The following PIP5K1B variants were observed in gnomAD, a reference collection of about 807,000 sequenced individuals.
The protein encoded by PIP5K1B is phosphatidylinositol 4-phosphate 5-kinase type-1 beta.
Under a neutral mutation model 67.0 loss-of-function variants are expected in PIP5K1B, and 42 were observed. The observed-to-expected ratio is 0.63, with a 90% CI of 0.49 to 0.81. PIP5K1B has a LOEUF of 0.81. Among genes scored for constraint, PIP5K1B ranks in the 30% least tolerant of loss-of-function variants. The probability of loss-of-function intolerance (pLI) is 0.00; values close to 1 mark genes in which losing one functional copy is unlikely to be tolerated. For missense variants in PIP5K1B, 459 were observed against 646.3 expected, an observed-to-expected ratio of 0.71 and a Z score of 3.14; for synonymous variants, 214 against 231.4, an observed-to-expected ratio of 0.92 and a Z score of 0.68.
At chr9:68,782,134 A>G (rs2132462465) in intron 2 of PIP5K1B, 1 of 167,106 alleles carries the variant, frequency 6.0e-6, no homozygotes, top group Admixed American at 6.5e-5. Context: ...TCTCCCACCA[A>G]ACTAGGGCAC....
intron 14 of PIP5K1B, among the ~76,000 whole-genome samples, chr9:68,953,420 C>A (rs1249677715): frequency 6.6e-6 from 1 of 151,932 alleles, no homozygotes; most frequent in Non-Finnish European, 1.5e-5. Flanking sequence ...TCCAGGCTGC[C>A]TTTTTCTCTT....
intron 15 of PIP5K1B, among the ~76,000 whole-genome samples, chr9:68,999,276 C>A (rs989640369): frequency 1.3e-5 from 2 of 152,144 alleles, no homozygotes; most frequent in African/African-American, 4.8e-5. Context: ...AATAAGGTTA[C>A]GGTCTGAGGC....
intron 14 of PIP5K1B, among the ~76,000 whole-genome samples, chr9:68,980,329 CTT>C (rs536500940): frequency 1.1e-3 from 168 of 152,322 alleles, no homozygotes; most frequent in African/African-American, 3.8e-3. Context: ...CTAAACAAGT[CTT>C]TGCAGCCATT....
intron 12 of PIP5K1B, among the ~76,000 whole-genome samples, chr9:68,930,756 CTAA>C (rs145696886): frequency 8.0e-5 from 12 of 150,612 alleles, no homozygotes; most frequent in Non-Finnish European, 1.2e-4. Context: ...CCCTTCCATG[CTAA>C]TAATAATAAT....
chr9:68,863,807 C>A (rs1387250989), intron 4 of PIP5K1B, 30 bp from the exon 5 acceptor site: 1 of 1,608,746 alleles, frequency 6.2e-7, no homozygotes, highest in African/African-American at 1.3e-5. Context: ...ACTGTTAAGA[C>A]TAATGTTGAG....
At chr9:68,769,187 C>G (rs1306187897) in intron 2 of PIP5K1B, among the ~76,000 whole-genome samples, 2 of 152,198 alleles carry the variant, frequency 1.3e-5, no homozygotes, top group Admixed American at 6.5e-5. Context: ...TCTACATCTT[C>G]CTCAATGCAT....
chr9:68,850,936 C>T lies in PIP5K1B; in HGVS notation c.70-12901C>T, dbSNP rs189274313. ...TAATATTTCTGAAAGACTAATATAA[C>T]AGCAAATATATACAGCAAATATAAC... On this transcript the variant is annotated intron_variant, in intron 4 of 15. Coordinates refer to ENST00000265382, the MANE Select transcript of PIP5K1B (RefSeq NM_003558.4). 4.6e-4 allele frequency among the ~76,000 whole-genome samples: 70 copies of T among 152,206 alleles called. No homozygotes were observed. The East Asian group carries it at 7.9e-3, about 17-fold the overall frequency.
intron 4 of PIP5K1B, among the ~76,000 whole-genome samples, chr9:68,831,276 C>T (rs1247430326): frequency 6.6e-6 from 1 of 152,178 alleles, no homozygotes; most frequent in Non-Finnish European, 1.5e-5. Context: ...CAATCAAAAG[C>T]AATTTTAAAA....
chr9:68,814,437 C>G (rs1258587968), intron 2 of PIP5K1B, among the ~76,000 whole-genome samples: 1 of 152,094 alleles, frequency 6.6e-6, no homozygotes, highest in Non-Finnish European at 1.5e-5. Flanking sequence ...CAACATAGTT[C>G]TGGAATGTAT....
chr9:68,787,507 A>G (rs1050695590), intron 2 of PIP5K1B, among the ~76,000 whole-genome samples: 11 of 152,322 alleles, frequency 7.2e-5, no homozygotes, highest in African/African-American at 2.6e-4. Context: ...CCAATCTTTC[A>G]TTTAAAGATG....
At chr9:68,973,886 C>T (rs1052900351) in intron 14 of PIP5K1B, among the ~76,000 whole-genome samples, 7 of 152,006 alleles carry the variant, frequency 4.6e-5, no homozygotes, top group Admixed American at 2.0e-4. Context: ...CAATTTTTTT[C>T]GGGGTAGGGG....
At chr9:68,748,175 C>T (rs1221484439) in intron 2 of PIP5K1B, among the ~76,000 whole-genome samples, 1 of 152,288 alleles carries the variant, frequency 6.6e-6, no homozygotes, top group Non-Finnish European at 1.5e-5. Context: ...TTTCACTTAG[C>T]GTAATGTGTT....
chr9:68,715,328 T>C (rs193223143), intron 1 of PIP5K1B, among the ~76,000 whole-genome samples: 33 of 152,236 alleles, frequency 2.2e-4, no homozygotes, highest in Admixed American at 2.0e-3. Context: ...GTCATTGACA[T>C]GGTTCCAGAG....
intron 2 of PIP5K1B, chr9:68,780,091 G>T: frequency 7.5e-7 from 1 of 1,335,212 alleles, no homozygotes; most frequent in Non-Finnish European, 9.6e-7. Context: ...CGGCAGCGGC[G>T]GCGGCCCTGG....
intron 1 of PIP5K1B, among the ~76,000 whole-genome samples, chr9:68,721,566 A>G (rs1317152907): frequency 3.3e-5 from 5 of 152,148 alleles, no homozygotes; most frequent in Admixed American, 3.3e-4. Flanking sequence ...TATTTTGGAC[A>G]TGCATTTGAG....
At chr9:68,826,938 G>C (rs998711623) in intron 4 of PIP5K1B, among the ~76,000 whole-genome samples, 3 of 55,974 alleles carry the variant, frequency 5.4e-5, no homozygotes, top group Non-Finnish European at 1.1e-4. Flanking sequence ...TTTTAGTTGA[G>C]ATGGGGTTTC....
intron 4 of PIP5K1B, among the ~76,000 whole-genome samples, chr9:68,828,267 G>T (rs1483376852): frequency 1.3e-5 from 2 of 152,196 alleles, no homozygotes; most frequent in Non-Finnish European, 2.9e-5. Flanking sequence ...GGAGATTCTG[G>T]TTTTGATGAC....
At chr9:68,713,395 G>A (rs540974774) in intron 1 of PIP5K1B, among the ~76,000 whole-genome samples, 3 of 152,230 alleles carry the variant, frequency 2.0e-5, no homozygotes, top group South Asian at 2.1e-4. Context: ...GTGAAACTCC[G>A]ACTCAAAAGA....
chr9:68,836,536 C>T (rs1270828514), intron 4 of PIP5K1B, among the ~76,000 whole-genome samples: 1 of 152,196 alleles, frequency 6.6e-6, no homozygotes, highest in Admixed American at 6.5e-5. Context: ...TATGCCAACT[C>T]AAGCTGCATT....
Sources: allele counts gnomAD v4.1 joint callset (sites outside exome capture counted in the v4.1 genomes callset), GRCh38; gene constraint gnomAD v4.1.1; transcripts MANE v1.5; gene names NCBI Gene and HGNC (gene_info 2026-07-23, HGNC 2026-07-21).